Variants in PRKAG2 observed in about 807,000 individuals in gnomAD.
PRKAG2 encodes the protein 5'-AMP-activated protein kinase subunit gamma-2.
PRKAG2 carries 26 observed loss-of-function variants against 69.6 expected under a neutral mutation model. The ratio of observed to expected loss-of-function variants is 0.37; its 90% CI spans 0.27 to 0.52. The LOEUF (loss-of-function observed/expected upper bound fraction) is 0.52, where lower values mean the gene tolerates loss of function less well. Ranked by LOEUF, PRKAG2 falls within the 20% of genes least tolerant of loss-of-function variation. The pLI is 0.90. For synonymous variants in PRKAG2, 293 were observed against 285.0 expected (o/e 1.03, Z -0.28); for missense variants, 557 against 740.0 (o/e 0.75, Z 2.87).
At chr7:151,810,830 T>C (rs1161718619) in intron 1 of PRKAG2, 1 of 153,730 alleles carries the variant, frequency 6.5e-6, no homozygotes, top group Non-Finnish European at 1.5e-5. Context: ...AGTCTGGCTT[T>C]GCTTTTCTTC....
chr7:151,633,907 T>C (rs1270847987), intron 4 of PRKAG2, among the ~76,000 whole-genome samples: 2 of 152,168 alleles, frequency 1.3e-5, no homozygotes, highest in African/African-American at 4.8e-5. Context: ...TATGGAAAGG[T>C]GCAAGCTCTA....
intron 1 of PRKAG2, among the ~76,000 whole-genome samples, chr7:151,821,605 A>T (rs979410975): frequency 1.5e-5 from 2 of 136,738 alleles, no homozygotes; most frequent in African/African-American, 5.0e-5. Context: ...CACTGCACAA[A>T]ACCATTTTTT....
At chr7:151,726,589 T>C (rs978181096) in intron 3 of PRKAG2, among the ~76,000 whole-genome samples, 6 of 152,120 alleles carry the variant, frequency 3.9e-5, no homozygotes, top group Non-Finnish European at 8.8e-5. Context: ...CAGGAGTCGT[T>C]GTCTGGGCAG....
At chr7:151,736,096 A>G (rs2151698460) in intron 3 of PRKAG2, 3 of 1,513,946 alleles carry the variant, frequency 2.0e-6, no homozygotes, top group Non-Finnish European at 2.6e-6. Flanking sequence ...TCAGCCCGAC[A>G]GGCACAGGGC....
intron 6 of PRKAG2, among the ~76,000 whole-genome samples, chr7:151,589,390 T>G (rs904718163): frequency 6.6e-6 from 1 of 152,114 alleles, no homozygotes; most frequent in Non-Finnish European, 1.5e-5. Context: ...GAAACATGGG[T>G]CACTGAGCCT....
chr7:151,635,513 G>A (rs1195312472), intron 4 of PRKAG2, among the ~76,000 whole-genome samples: 1 of 152,108 alleles, frequency 6.6e-6, no homozygotes, highest in Non-Finnish European at 1.5e-5. Flanking sequence ...GCAAGAAAAA[G>A]GAAGGAACTA....
chr7:151,702,892 T>TG (rs749741673), intron 3 of PRKAG2, among the ~76,000 whole-genome samples: 3 of 152,228 alleles, frequency 2.0e-5, no homozygotes, highest in African/African-American at 7.2e-5. Flanking sequence ...TGCCAGAAGC[T>TG]GGGGGTGATA....
chr7:151,588,779 A>T (rs1163071202), intron 6 of PRKAG2, among the ~76,000 whole-genome samples: 1 of 152,208 alleles, frequency 6.6e-6, no homozygotes, highest in African/African-American at 2.4e-5. Flanking sequence ...CTCCCCAGTC[A>T]CGTGGAACTG....
At chr7:151,670,284 C>A (rs368764905) in intron 4 of PRKAG2, among the ~76,000 whole-genome samples, 1 of 152,194 alleles carries the variant, frequency 6.6e-6, no homozygotes, top group South Asian at 2.1e-4. Context: ...TTTGGAATCA[C>A]CCCTGATTTG....
chr7:151,560,188 T>C (rs1348522281), intron 15 of PRKAG2: 4 of 985,258 alleles, frequency 4.1e-6, no homozygotes, highest in Non-Finnish European at 4.8e-6. Flanking sequence ...TCCCTCTATG[T>C]TTCTGGTCAC....
intron 3 of PRKAG2, among the ~76,000 whole-genome samples, chr7:151,709,766 C>T (rs1839263414): frequency 6.6e-6 from 1 of 152,104 alleles, no homozygotes; most frequent in South Asian, 2.1e-4. Flanking sequence ...TTGGATGTTT[C>T]TTACACTGTG....
intron 4 of PRKAG2, among the ~76,000 whole-genome samples, chr7:151,639,521 C>T (rs889834209): frequency 3.9e-5 from 6 of 152,206 alleles, no homozygotes; most frequent in Admixed American, 2.0e-4. Flanking sequence ...CCAGTGTGGG[C>T]GGGCGCCATC....
chr7:151,814,962 C>T lies in PRKAG2; in HGVS notation c.115-28421G>A, dbSNP rs755490150. ...GGATGGAGGGAGGCAGGAGCAGAGG[C>T]CGATGATGCAGCAGTGGACAGCTCT... On this transcript the variant is annotated intron_variant, in intron 1 of 15. Coordinates refer to ENST00000287878, the MANE Select transcript of PRKAG2 (RefSeq NM_016203.4). This position sits in a 1 kb window ranked among gnomAD's most constrained non-coding sequence, Gnocchi z 4.8. The T allele has an allele frequency of 1.1e-5, 10 of 943,184 alleles. No individual in the cohort carries two copies. The highest frequency in any genetic ancestry group is 1.4e-5 in the Non-Finnish European group (10 of 725,410). The allele number at this position is 943,184 out of a possible 1,614,324, so 58.4% of individuals were successfully genotyped here.
intron 1 of PRKAG2, among the ~76,000 whole-genome samples, chr7:151,819,527 C>T (rs181079150): frequency 6.6e-6 from 1 of 152,278 alleles, no homozygotes; most frequent in African/African-American, 2.4e-5. Flanking sequence ...AGTTCGCCCC[C>T]CTGCCCCTCC....
In PRKAG2 at chr7:151,571,523, T is replaced by C. The variant is rs1027376473; in HGVS notation, c.1051+1141A>G. 4.6e-5 allele frequency among the ~76,000 whole-genome samples: 7 copies of C among 152,296 alleles called. No homozygotes were observed. In the East Asian group the frequency reaches 9.7e-4, roughly 21 times the overall value. Reference sequence around the variant, plus strand: ...CGCACCTGGCCTTGCTTTACCAAAGTTTCTATACAGAAGGCGTTTAAGAAT... The same window carrying C: ...CGCACCTGGCCTTGCTTTACCAAAGCTTCTATACAGAAGGCGTTTAAGAAT... On this transcript the variant is annotated intron_variant, in intron 9 of 15. Transcript: ENST00000287878.
At chr7:151,791,099 A>G (rs547973156) in intron 1 of PRKAG2, among the ~76,000 whole-genome samples, 4 of 152,320 alleles carry the variant, frequency 2.6e-5, no homozygotes, top group African/African-American at 9.6e-5. Context: ...ATGCAGCCCA[A>G]CAGGGAAGTC....
chr7:151,569,255 G>A (rs951612909), intron 10 of PRKAG2, among the ~76,000 whole-genome samples: 7 of 152,190 alleles, frequency 4.6e-5, no homozygotes, highest in African/African-American at 1.4e-4. Context: ...GGCTGCTCTC[G>A]AACTCCTGAG....
intron 3 of PRKAG2, among the ~76,000 whole-genome samples, chr7:151,776,908 G>A (rs1477347630): frequency 6.6e-6 from 1 of 152,144 alleles, no homozygotes; most frequent in East Asian, 1.9e-4. Context: ...GATGATCAGG[G>A]GCCTCACAGT....
At chr7:151,667,795 T>G (rs973678091) in intron 4 of PRKAG2, among the ~76,000 whole-genome samples, 8 of 152,362 alleles carry the variant, frequency 5.3e-5, no homozygotes, top group African/African-American at 1.9e-4. Flanking sequence ...GAGGTCACTC[T>G]GGTCCAGCCA....
Sources: gnomAD v4.1 joint callset for allele counts (sites outside exome capture counted in the v4.1 genomes callset) on GRCh38, gnomAD v4.1.1 for gene constraint, Gnocchi (gnomAD v3.1) non-coding constraint, MANE v1.5 for transcripts, NCBI Gene and HGNC (gene_info 2026-07-23, HGNC 2026-07-21) for gene names.